OXR1: variants seen among roughly 807,000 people sequenced by gnomAD.
The protein encoded by OXR1 is oxidation resistance 1.
A neutral mutation model predicts 104.6 loss-of-function variants in OXR1; 41 were observed. That is an observed-to-expected ratio of 0.39 (90% confidence interval 0.31 to 0.51). OXR1 has a LOEUF of 0.51. Ranked by LOEUF, OXR1 falls within the 20% of genes least tolerant of loss-of-function variation. The pLI is 0.77. For missense variants in OXR1, 955 were observed against 1,031.9 expected (o/e 0.93, Z 1.02); for synonymous variants, 348 against 348.4 (o/e 1.00, Z 0.01).
chr8:106,418,962 T>C (rs1167324251), intron 2 of OXR1, among the ~76,000 whole-genome samples: 1 of 152,176 alleles, frequency 6.6e-6, no homozygotes, highest in Non-Finnish European at 1.5e-5. Flanking sequence ...TATTTTTAAT[T>C]TTATAAAAAT....
intron 2 of OXR1, among the ~76,000 whole-genome samples, chr8:106,479,481 C>T (rs994572192): frequency 6.6e-6 from 1 of 151,964 alleles, no homozygotes; most frequent in African/African-American, 2.4e-5. Flanking sequence ...CCACTAAATT[C>T]ACTTACACTG....
At chr8:106,300,434 A>T (rs1017992873) in intron 1 of OXR1, among the ~76,000 whole-genome samples, 11 of 152,012 alleles carry the variant, frequency 7.2e-5, no homozygotes, top group Non-Finnish European at 1.5e-4. Flanking sequence ...AGTGGCCTAA[A>T]AGATGACCCT....
chr8:106,744,862 C>T (rs1186857172), intron 15 of OXR1, among the ~76,000 whole-genome samples: 1 of 152,084 alleles, frequency 6.6e-6, no homozygotes, highest in East Asian at 1.9e-4. Flanking sequence ...GATTTGGTAA[C>T]ACAATAAAAA....
In OXR1 at chr8:106,718,398, T is replaced by C. The variant is rs189954591; in HGVS notation, c.1956+4413T>C. Reference sequence around the variant, plus strand: ...AAGAAAATTTAGCCAAATTTTAAGGTGGTCAGGAGTAAAAGTTCCTAATGA... The same window carrying C: ...AAGAAAATTTAGCCAAATTTTAAGGCGGTCAGGAGTAAAAGTTCCTAATGA... On this transcript the variant is annotated intron_variant, in intron 11 of 16. Coordinates refer to ENST00000517566, the MANE Select transcript of OXR1 (RefSeq NM_001198533.2). 4.8e-3 allele frequency among the ~76,000 whole-genome samples: 723 copies of C among 152,206 alleles called. 6 individuals carry two copies. The highest frequency in any genetic ancestry group is 0.01 in the Middle Eastern group (3 of 294).
intron 7 of OXR1, among the ~76,000 whole-genome samples, chr8:106,694,462 T>C (rs1243056092): frequency 7.7e-6 from 1 of 130,254 alleles, no homozygotes; most frequent in African/African-American, 3.1e-5. Flanking sequence ...ATATTTGATA[T>C]ATAAATATAT....
At chr8:106,719,419 C>T (rs1832622199) in intron 11 of OXR1, among the ~76,000 whole-genome samples, 1 of 152,072 alleles carries the variant, frequency 6.6e-6, no homozygotes, top group African/African-American at 2.4e-5. Flanking sequence ...CTTCTGTGTC[C>T]CTCCTTTTCT....
chr8:106,683,001 G>A (rs1169148567), intron 4 of OXR1, among the ~76,000 whole-genome samples, 198 bp from the exon 5 acceptor site: 1 of 152,130 alleles, frequency 6.6e-6, no homozygotes, highest in South Asian at 2.1e-4. Flanking sequence ...TTGTGATGAA[G>A]CCTTTACTCT....
intron 16 of OXR1, among the ~76,000 whole-genome samples, chr8:106,747,455 A>G (rs1163221020): frequency 6.6e-6 from 1 of 152,242 alleles, no homozygotes; most frequent in Non-Finnish European, 1.5e-5. Flanking sequence ...TGCCTGCAGT[A>G]TCATTGGCTG....
chr8:106,356,182 C>G (rs987387546), intron 1 of OXR1, among the ~76,000 whole-genome samples: 2 of 152,148 alleles, frequency 1.3e-5, no homozygotes, highest in African/African-American at 4.8e-5. Context: ...GCAAAGCTAT[C>G]TTTTTCAATG....
At chr8:106,540,322 T>C (rs1814854859) in intron 3 of OXR1, among the ~76,000 whole-genome samples, 2 of 152,242 alleles carry the variant, frequency 1.3e-5, no homozygotes, top group South Asian at 4.1e-4. Context: ...TCCAGAAAGA[T>C]CACTATTTAG....
chr8:106,482,195 C>T (rs1822167613), intron 2 of OXR1, among the ~76,000 whole-genome samples: 1 of 151,946 alleles, frequency 6.6e-6, no homozygotes, highest in East Asian at 1.9e-4. Context: ...CCTTTCTATA[C>T]TTCCGCATCT....
At chr8:106,389,937 G>A (rs1254767985) in intron 2 of OXR1, among the ~76,000 whole-genome samples, 2 of 152,092 alleles carry the variant, frequency 1.3e-5, no homozygotes, top group South Asian at 2.1e-4. Context: ...GTGGTGGCAG[G>A]TGCCTGTAGT....
chr8:106,463,054 T>A (rs1820993702), intron 2 of OXR1, among the ~76,000 whole-genome samples: 1 of 152,092 alleles, frequency 6.6e-6, no homozygotes, highest in African/African-American at 2.4e-5. Flanking sequence ...AGTAAATGGT[T>A]GACCCATAAG....
Position 106,706,569 on chromosome 8 carries a change from G to C in OXR1, c.1048G>C (p.Glu350Gln), listed in dbSNP as rs1439623424. ...ATCAGAACTTTCCCCTATACGAGAG[G>C]AGCTTGTATCTTCAGATGAACTGCG... ...TESELSPIRE[E>Q]LVSSDELRQD... Residue 350 changes from glutamate (E) to glutamine (Q), a missense_variant, in exon 9 of 17, where the codon GAG becomes CAG. Glu to Gln is a conservative substitution (Grantham distance 29). This residue lies in a region of OXR1 where 849 missense variants were observed against 852.9 expected (regional missense o/e 1.00). Transcript: ENST00000517566. 1 of 1,611,636 alleles carries C rather than the reference G, an allele frequency of 6.2e-7. No individual in the cohort carries two copies. Among genetic ancestry groups the C allele is most frequent in the South Asian group, 1.1e-5 (1 of 90,470 alleles).
At chr8:106,509,598 C>G (rs1193073724) in intron 2 of OXR1, among the ~76,000 whole-genome samples, 1 of 151,994 alleles carries the variant, frequency 6.6e-6, no homozygotes, top group Admixed American at 6.6e-5. Context: ...CTGTTTTGTC[C>G]CCCAGGGCAC....
intron 3 of OXR1, among the ~76,000 whole-genome samples, chr8:106,595,223 C>A (rs1345904663): frequency 2.6e-5 from 4 of 152,138 alleles, no homozygotes; most frequent in Non-Finnish European, 5.9e-5. Flanking sequence ...CTGATCATTA[C>A]CTTCTCTGTT....
At chr8:106,645,365 G>A (rs1823989553) in intron 3 of OXR1, among the ~76,000 whole-genome samples, 1 of 152,172 alleles carries the variant, frequency 6.6e-6, no homozygotes, top group South Asian at 2.1e-4. Context: ...ACCCATATGA[G>A]TCTGTGGATA....
rs2131250407 is a variant in OXR1, at chr8:106,685,245, C to T, written c.525+886C>T. 1.3e-5 allele frequency among the ~76,000 whole-genome samples: 2 copies of T among 152,216 alleles called. 1 individual carries two copies. Among genetic ancestry groups the T allele is most frequent in the South Asian group, 4.1e-4 (2 of 4,828 alleles). On this transcript the variant is annotated intron_variant, in intron 6 of 16. Coordinates refer to ENST00000517566, the MANE Select transcript of OXR1 (RefSeq NM_001198533.2). ...CAATACCTTTTTGAACATAGCCATGCCATTTTCCCATGGGACTTACAAAGA... is the reference window on the plus strand; with the variant it reads ...CAATACCTTTTTGAACATAGCCATGTCATTTTCCCATGGGACTTACAAAGA...
At chr8:106,346,106 T>C (rs372416863) in intron 1 of OXR1, among the ~76,000 whole-genome samples, 913 of 56,568 alleles carry the variant, frequency 0.016, 17 homozygotes, top group African/African-American at 0.042. Flanking sequence ...CCACCCCCCC[T>C]ACCGCCGCCA....
Sources: allele counts gnomAD v4.1 joint callset (sites outside exome capture counted in the v4.1 genomes callset), GRCh38; gene constraint gnomAD v4.1.1; regional missense constraint gnomAD v4.1.1; transcripts MANE v1.5; gene names NCBI Gene and HGNC (gene_info 2026-07-23, HGNC 2026-07-21).